The following LYRM4 variants were observed in gnomAD, a reference collection of about 807,000 sequenced individuals.
LYRM4 encodes LYR motif-containing protein 4.
A neutral mutation model predicts 11.7 loss-of-function variants in LYRM4; 9 were observed. The observed-to-expected ratio is 0.77, with a 90% confidence interval of 0.46 to 1.34. The LOEUF is 1.34. Among genes scored for constraint, LYRM4 ranks in the 40% most tolerant of loss-of-function variants. The probability of loss-of-function intolerance (pLI) is 0.00; values close to 1 mark genes in which losing one functional copy is unlikely to be tolerated. For synonymous variants in LYRM4, 42 were observed against 40.4 expected, an observed-to-expected ratio of 1.04 and a Z score of -0.15; for missense variants, 133 against 112.5, an observed-to-expected ratio of 1.18 and a Z score of -0.82.
At chr6:5,174,333 G>T (rs1759597857) in intron 2 of LYRM4, among the ~76,000 whole-genome samples, 1 of 152,280 alleles carries the variant, frequency 6.6e-6, no homozygotes, top group African/African-American at 2.4e-5. Flanking sequence ...CAGGGCATCA[G>T]CTGTGTTACT....
At chr6:5,138,675 C>A in intron 2 of LYRM4, 2 of 1,501,682 alleles carry the variant, frequency 1.3e-6, no homozygotes, top group Non-Finnish European at 1.8e-6. Flanking sequence ...ACTGAAAACA[C>A]AAGAAAATAT....
intron 2 of LYRM4, among the ~76,000 whole-genome samples, chr6:5,188,380 AAG>A (rs949419085): frequency 6.7e-5 from 10 of 149,750 alleles, no homozygotes; most frequent in Non-Finnish European, 1.2e-4. Flanking sequence ...AGAAAAAAAA[AAG>A]AGAGAGAATG....
chr6:5,112,802 C>T (rs1278294425), intron 2 of LYRM4, among the ~76,000 whole-genome samples: 1 of 152,172 alleles, frequency 6.6e-6, no homozygotes, highest in Non-Finnish European at 1.5e-5. Context: ...GGAGGAAGAG[C>T]TCAGAGGCCC....
chr6:5,215,704 T>C (rs891764757), intron 2 of LYRM4, among the ~76,000 whole-genome samples: 1 of 152,144 alleles, frequency 6.6e-6, no homozygotes, highest in Non-Finnish European at 1.5e-5. Flanking sequence ...TCTAATTTAA[T>C]GTCAGCCAAG....
chr6:5,237,164 G>A (rs978414008), intron 1 of LYRM4, among the ~76,000 whole-genome samples: 5 of 152,168 alleles, frequency 3.3e-5, no homozygotes, highest in Admixed American at 1.3e-4. Context: ...GGCCTATCAG[G>A]AACTGGGCTG....
the LYRM4 span, among the ~76,000 whole-genome samples, chr6:5,072,389 G>A: frequency 6.6e-6 from 1 of 152,088 alleles, no homozygotes; most frequent in South Asian, 2.1e-4. Context: ...CTAGGTCTCT[G>A]AGGAATCGCC....
At chr6:5,181,390 C>G (rs1308208686) in intron 2 of LYRM4, among the ~76,000 whole-genome samples, 3 of 152,320 alleles carry the variant, frequency 2.0e-5, no homozygotes, top group South Asian at 2.1e-4. Context: ...TGTATTGTGT[C>G]GTCAATGATT....
At chr6:5,035,099 C>T in the LYRM4 span, among the ~76,000 whole-genome samples, 1 of 152,026 alleles carries the variant, frequency 6.6e-6, no homozygotes, top group African/African-American at 2.4e-5. Context: ...CTGATGAAAA[C>T]GTTGTGACCA....
the LYRM4 span, chr6:5,034,769 T>TTTTTTTTTTTTTTTTTTTTTTTTG: frequency 6.2e-4 from 8 of 12,992 alleles, no homozygotes; most frequent in African/African-American, 1.2e-3. Context: ...TTTTTTTTTT[T>TTTTTTTTTTTTTTTTTTTTTTTTG]TCAAAAAGCG....
intron 2 of LYRM4, among the ~76,000 whole-genome samples, chr6:5,118,677 C>T (rs927119149): frequency 6.6e-6 from 1 of 152,112 alleles, no homozygotes; most frequent in Non-Finnish European, 1.5e-5. Context: ...TCAAATAGAC[C>T]ATTTTTATCA....
chr6:5,092,434 G>A, the LYRM4 span, among the ~76,000 whole-genome samples: 19 of 144,380 alleles, frequency 1.3e-4, no homozygotes, highest in African/African-American at 3.9e-4. Flanking sequence ...AAAAATGGCC[G>A]GGTGTGGTGG....
Position 5,108,649 on chromosome 6 carries a change from C to T in LYRM4, c.*774G>A, listed in dbSNP as rs1762741673. 8 of 501,110 alleles carry T rather than the reference C, an allele frequency of 1.6e-5. No individual in the cohort carries two copies. Among genetic ancestry groups the T allele is most frequent in the Non-Finnish European group, 2.1e-5 (8 of 386,954 alleles). 31.0% of individuals were successfully genotyped at this position (501,110 alleles called of 1,614,324 possible). ...TCTGTCCACCAGCCAGATTTGGGCA[C>T]CGGTGCTGCCCAGCATGCCCCAGGC... On this transcript the variant is annotated 3_prime_UTR_variant, in exon 3 of 3. Coordinates refer to ENST00000330636, the MANE Select transcript of LYRM4 (RefSeq NM_020408.6).
At chr6:5,048,290 G>GTTGT in the LYRM4 span, among the ~76,000 whole-genome samples, 2 of 139,968 alleles carry the variant, frequency 1.4e-5, no homozygotes, top group Non-Finnish European at 3.1e-5. Flanking sequence ...GACACTTTGT[G>GTTGT]GTGTGTGTGT....
At chr6:5,092,449 C>T in the LYRM4 span, among the ~76,000 whole-genome samples, 5 of 152,064 alleles carry the variant, frequency 3.3e-5, no homozygotes, top group Non-Finnish European at 7.4e-5. Context: ...TGGTGGCTCA[C>T]GCCTGTAATC....
intron 2 of LYRM4, among the ~76,000 whole-genome samples, chr6:5,125,633 A>G (rs1763667370): frequency 6.6e-6 from 1 of 152,238 alleles, no homozygotes; most frequent in Admixed American, 6.5e-5. Flanking sequence ...TGAGCCTGGC[A>G]GAGGGAGGCA....
At chr6:5,193,580 A>G (rs556916964) in intron 2 of LYRM4, among the ~76,000 whole-genome samples, 22 of 152,332 alleles carry the variant, frequency 1.4e-4, no homozygotes, top group African/African-American at 5.3e-4. Flanking sequence ...TCAGAGGGAG[A>G]GTAAAGCAGA....
At position 5,118,561 on chromosome 6, in the gene LYRM4, C is replaced by T. The variant is rs543256414; in HGVS notation, c.208-9070G>A. On this transcript the variant is annotated intron_variant, in intron 2 of 2. Coordinates refer to ENST00000330636, the MANE Select transcript of LYRM4 (RefSeq NM_020408.6). ...TATGACAAGGCTGGACATCCTTTCACGCCGCCTGCAATTCATGCAGCAATT... is the reference window on the plus strand; with the variant it reads ...TATGACAAGGCTGGACATCCTTTCATGCCGCCTGCAATTCATGCAGCAATT... 5.3e-5 allele frequency among the ~76,000 whole-genome samples: 8 copies of T among 152,310 alleles called. No individual in the cohort carries two copies. In the South Asian group the frequency reaches 1.0e-3, roughly 20 times the overall value.
chr6:5,039,064 C>T, the LYRM4 span, among the ~76,000 whole-genome samples: 1 of 151,896 alleles, frequency 6.6e-6, no homozygotes, highest in South Asian at 2.1e-4. Context: ...TTAAGGTTGC[C>T]TGATATCACT....
the LYRM4 span, among the ~76,000 whole-genome samples, chr6:5,037,583 C>T: frequency 7.3e-5 from 6 of 82,104 alleles, no homozygotes; most frequent in Non-Finnish European, 1.2e-4. Context: ...CCAGTAGGGG[C>T]GGCCGGGCAG....
Sources: gnomAD v4.1 joint callset for allele counts (sites outside exome capture counted in the v4.1 genomes callset) on GRCh38, gnomAD v4.1.1 for gene constraint, MANE v1.5 for transcripts, NCBI Gene and HGNC (gene_info 2026-07-23, HGNC 2026-07-21) for gene names.